The following GABRG3 variants were observed in gnomAD, a reference collection of about 807,000 sequenced individuals.
The protein encoded by GABRG3 is gamma-aminobutyric acid receptor subunit gamma-3.
A neutral mutation model predicts 48.8 loss-of-function variants in GABRG3; 25 were observed. The ratio of observed to expected loss-of-function variants is 0.51; its 90% confidence interval spans 0.37 to 0.72. GABRG3 has a LOEUF of 0.72. Among genes scored for constraint, GABRG3 ranks in the 30% least tolerant of loss-of-function variants. The pLI, the probability that GABRG3 is intolerant of heterozygous loss-of-function variation, is 0.00. For missense variants in GABRG3, 394 were observed against 577.9 expected (o/e 0.68, Z 3.26); for synonymous variants, 227 against 217.6 (o/e 1.04, Z -0.38).
At chr15:27,411,064 T>C (rs903567706) in intron 5 of GABRG3, among the ~76,000 whole-genome samples, 2 of 152,134 alleles carry the variant, frequency 1.3e-5, no homozygotes, top group African/African-American at 4.8e-5. Flanking sequence ...AGATCTTCAG[T>C]TAGATATTAG....
At chr15:27,025,493 A>G (rs1396921666) in intron 2 of GABRG3, among the ~76,000 whole-genome samples, 9 of 152,208 alleles carry the variant, frequency 5.9e-5, no homozygotes, top group Non-Finnish European at 1.3e-4. Flanking sequence ...AGTGCATGGA[A>G]TTGTGTTGGG....
chr15:27,032,836 T>C (rs1896109187), intron 3 of GABRG3, among the ~76,000 whole-genome samples: 8 of 152,068 alleles, frequency 5.3e-5, no homozygotes, highest in Admixed American at 5.2e-4. Context: ...GAGTGGTTTT[T>C]CCCTTGCCTC....
intron 3 of GABRG3, among the ~76,000 whole-genome samples, chr15:27,246,215 A>G (rs574183888): frequency 6.6e-6 from 1 of 152,310 alleles, no homozygotes; most frequent in East Asian, 1.9e-4. Context: ...ACCTGATGAC[A>G]TGTGGATGCA....
At position 27,254,601 on chromosome 15, in the gene GABRG3, A is replaced by G. The variant is rs2140462101; in HGVS notation, c.271-72208A>G. Among the ~76,000 whole-genome samples, 2 of 152,220 alleles carry G rather than the reference A, an allele frequency of 1.3e-5. 1 individual carries two copies. The highest frequency in any genetic ancestry group is 4.1e-4 in the South Asian group (2 of 4,822). On this transcript the variant is annotated intron_variant, in intron 3 of 9. Transcript: ENST00000615808. ...GTGATGAGGGCCCACCTCCTGGTTT[A>G]TAGGTGGCCGTTTTCTCACTCTAAC... is the stretch of plus-strand genomic sequence containing the variant.
intron 6 of GABRG3, among the ~76,000 whole-genome samples, chr15:27,512,197 G>A (rs760700122): frequency 3.3e-5 from 5 of 152,092 alleles, no homozygotes; most frequent in South Asian, 4.1e-4. Context: ...ATTAAGCAAC[G>A]ATTACAATTA....
chr15:27,041,010 A>G (rs967227256), intron 3 of GABRG3, among the ~76,000 whole-genome samples: 2 of 150,846 alleles, frequency 1.3e-5, no homozygotes, highest in Non-Finnish European at 2.9e-5. Flanking sequence ...AATATCCAAC[A>G]TTCAAACAGC....
At chr15:27,153,113 G>A (rs1027334417) in intron 3 of GABRG3, among the ~76,000 whole-genome samples, 4 of 152,170 alleles carry the variant, frequency 2.6e-5, no homozygotes, top group South Asian at 2.1e-4. Flanking sequence ...CGCCCGCCTC[G>A]GCCTCCCAAA....
chr15:27,259,574 C>G (rs1890713776), intron 3 of GABRG3, among the ~76,000 whole-genome samples: 1 of 152,144 alleles, frequency 6.6e-6, no homozygotes, highest in Non-Finnish European at 1.5e-5. Context: ...GTCCTACTCT[C>G]TTAGAGTTCC....
At chr15:26,989,670 A>G (rs1895212999) in intron 2 of GABRG3, among the ~76,000 whole-genome samples, 1 of 152,168 alleles carries the variant, frequency 6.6e-6, no homozygotes, top group South Asian at 2.1e-4. Context: ...ATGTACAATT[A>G]AATTATTTTT....
intron 3 of GABRG3, among the ~76,000 whole-genome samples, chr15:27,085,804 G>A (rs1373170143): frequency 3.3e-5 from 5 of 152,090 alleles, no homozygotes; most frequent in African/African-American, 1.2e-4. Flanking sequence ...AAATTGTTCA[G>A]CTTATTTTTT....
intron 5 of GABRG3, among the ~76,000 whole-genome samples, chr15:27,440,856 A>G (rs78093652): frequency 0.014 from 2,182 of 152,302 alleles, 57 homozygotes; most frequent in African/African-American, 0.05. Flanking sequence ...CTGTCCTACA[A>G]TGGAAGTTAA....
At chr15:27,261,364 C>A (rs1044592464) in intron 3 of GABRG3, among the ~76,000 whole-genome samples, 38 of 151,944 alleles carry the variant, frequency 2.5e-4, no homozygotes, top group African/African-American at 8.5e-4. Flanking sequence ...TAGAGATCTG[C>A]AGTTAACTGT....
chr15:27,419,577 C>A (rs1215125125), intron 5 of GABRG3, among the ~76,000 whole-genome samples: 2 of 152,168 alleles, frequency 1.3e-5, no homozygotes, highest in Non-Finnish European at 2.9e-5. Flanking sequence ...AAGCAAGGTA[C>A]TAAACGGAGA....
intron 3 of GABRG3, among the ~76,000 whole-genome samples, chr15:27,058,263 A>G (rs775201176): frequency 6.3e-4 from 96 of 152,250 alleles, no homozygotes; most frequent in Non-Finnish European, 1.3e-3. Flanking sequence ...TTTACGGTGC[A>G]TCTGAGAATG....
At chr15:27,066,221 C>G (rs573788272) in intron 3 of GABRG3, among the ~76,000 whole-genome samples, 2 of 152,290 alleles carry the variant, frequency 1.3e-5, no homozygotes, top group South Asian at 2.1e-4. Context: ...GATATAGTTA[C>G]GTTCATACAA....
At chr15:27,219,063 C>A (rs1015974330) in intron 3 of GABRG3, among the ~76,000 whole-genome samples, 6 of 152,198 alleles carry the variant, frequency 3.9e-5, no homozygotes, top group East Asian at 1.9e-4. Context: ...TCTGACCTGG[C>A]CTTCTCCTCT....
At chr15:27,363,124 AG>A (rs1160935315) in intron 5 of GABRG3, 1 of 152,192 alleles carries the variant, frequency 6.6e-6, no homozygotes, top group Non-Finnish European at 1.5e-5. Context: ...ATTTGCTGGA[AG>A]GGGACTCAAC....
In GABRG3 at chr15:27,319,154, T is replaced by C. The variant is rs545645432; in HGVS notation, c.271-7655T>C. 6.6e-6 allele frequency among the ~76,000 whole-genome samples: 1 copy of C among 152,316 alleles called. No homozygotes were observed. The highest frequency in any genetic ancestry group is 1.9e-4 in the East Asian group (1 of 5,182). Reference sequence around the variant, plus strand: ...TTTCACAATGTACACGTATGTCAAATCATCACATCATGCATCTTGAACATA... The same window carrying C: ...TTTCACAATGTACACGTATGTCAAACCATCACATCATGCATCTTGAACATA... On this transcript the variant is annotated intron_variant, in intron 3 of 9. Coordinates refer to ENST00000615808, the MANE Select transcript of GABRG3 (RefSeq NM_033223.5). The surrounding 1 kb of genome is among the most constrained non-coding windows in gnomAD (Gnocchi z 4.4).
At chr15:27,229,800 C>T (rs1889744390) in intron 3 of GABRG3, among the ~76,000 whole-genome samples, 1 of 152,060 alleles carries the variant, frequency 6.6e-6, no homozygotes, top group Admixed American at 6.6e-5. Flanking sequence ...TGTACCAGTA[C>T]CATGCTGTTT....
Sources: allele counts gnomAD v4.1 joint callset (sites outside exome capture counted in the v4.1 genomes callset), GRCh38; gene constraint gnomAD v4.1.1; non-coding constraint Gnocchi (gnomAD v3.1); transcripts MANE v1.5; gene names NCBI Gene and HGNC (gene_info 2026-07-23, HGNC 2026-07-21).